SYT16: variants seen among roughly 807,000 people sequenced by gnomAD.
SYT16 encodes synaptotagmin 16.
In SYT16, 42 loss-of-function variants were observed where a neutral mutation model predicts 61.4. That is an observed-to-expected ratio of 0.68 (90% confidence interval 0.53 to 0.89). SYT16 has a LOEUF of 0.89. Among genes scored for constraint, SYT16 ranks in the 40% least tolerant of loss-of-function variants. The pLI is 0.00. For missense variants in SYT16, 804 were observed against 807.3 expected (o/e 1.00, Z 0.05); for synonymous variants, 314 against 302.3 (o/e 1.04, Z -0.40).
rs532974581 is a variant in SYT16, at chr14:61,955,974, C to T, written c.-324-14158C>T. 1.5e-4 allele frequency among the ~76,000 whole-genome samples: 23 copies of T among 151,150 alleles called. No homozygotes were observed. The South Asian group carries it at 2.1e-3, about 14-fold the overall frequency. ...CTTGCTCCTTTTTTCTTTTATTTTT[C>T]GCTTTCTCTTTCTTTCATAATGGTC... is the stretch of plus-strand genomic sequence containing the variant. On this transcript the variant is annotated intron_variant, in intron 1 of 7. Transcript: ENST00000683842.
At chr14:62,094,739 A>T (rs1366207472) in intron 7 of SYT16, among the ~76,000 whole-genome samples, 1 of 152,034 alleles carries the variant, frequency 6.6e-6, no homozygotes, top group Non-Finnish European at 1.5e-5. Context: ...TAAACATTGG[A>T]AGACAAGGTA....
intron 1 of SYT16, among the ~76,000 whole-genome samples, chr14:61,891,419 C>G (rs1238074649): frequency 6.6e-6 from 1 of 152,064 alleles, no homozygotes; most frequent in Non-Finnish European, 1.5e-5. Flanking sequence ...AGATTCAGAA[C>G]AATGCATTTC....
At chr14:61,937,249 G>T (rs1041861030) in intron 1 of SYT16, among the ~76,000 whole-genome samples, 5 of 152,240 alleles carry the variant, frequency 3.3e-5, no homozygotes, top group Non-Finnish European at 5.9e-5. Context: ...GCTGGAGCAA[G>T]GCCAGTGTTA....
At chr14:62,047,131 G>A (rs1258362543) in intron 3 of SYT16, among the ~76,000 whole-genome samples, 1 of 152,066 alleles carries the variant, frequency 6.6e-6, no homozygotes, top group Non-Finnish European at 1.5e-5. Context: ...ATCTTGTATT[G>A]TATCCTCTTT....
intron 1 of SYT16, among the ~76,000 whole-genome samples, chr14:61,910,504 A>G (rs177803): frequency 0.91 from 137,090 of 150,650 alleles, 62,470 homozygotes; most frequent in East Asian, 0.99. Context: ...CTCCCAAAGC[A>G]CTGAGCCGCC....
chr14:61,977,717 A>G (rs533563907), intron 2 of SYT16, among the ~76,000 whole-genome samples: 42 of 152,218 alleles, frequency 2.8e-4, no homozygotes, highest in African/African-American at 9.4e-4. Context: ...TGCCCACCTA[A>G]TCTTCCCAAC....
At position 61,932,321 on chromosome 14, in the gene SYT16, G is replaced by A. The variant is rs1449186382; in HGVS notation, c.-324-37811G>A. Among the ~76,000 whole-genome samples the A allele has an allele frequency of 2.0e-5, 3 of 152,190 alleles. No individual in the cohort carries two copies. The East Asian group carries it at 5.8e-4, about 29-fold the overall frequency. On this transcript the variant is annotated intron_variant, in intron 1 of 7. Coordinates refer to ENST00000683842, the MANE Select transcript of SYT16 (RefSeq NM_001367656.1). ...TGATTTCTGATAGGAGTCTGTGTTAGTCTGTTTTCACACTGCTATAAAGAA... is the reference window on the plus strand; with the variant it reads ...TGATTTCTGATAGGAGTCTGTGTTAATCTGTTTTCACACTGCTATAAAGAA...
intron 3 of SYT16, among the ~76,000 whole-genome samples, chr14:62,064,590 A>G (rs572880447): frequency 6.6e-6 from 1 of 152,302 alleles, no homozygotes; most frequent in African/African-American, 2.4e-5. Context: ...CATTTTGTCC[A>G]GAATTTAAGA....
chr14:62,080,276 A>T (rs530112248), intron 5 of SYT16, among the ~76,000 whole-genome samples: 1 of 152,358 alleles, frequency 6.6e-6, no homozygotes, highest in Non-Finnish European at 1.5e-5. Context: ...ACTGAATCAG[A>T]ATCCTCAGAT....
chr14:61,989,732 A>C (rs2052469580), intron 2 of SYT16, among the ~76,000 whole-genome samples: 1 of 152,194 alleles, frequency 6.6e-6, no homozygotes, highest in Non-Finnish European at 1.5e-5. Context: ...AGTAAGTGAG[A>C]AGCAGATCCA....
At chr14:61,954,579 A>G (rs567928691) in intron 1 of SYT16, among the ~76,000 whole-genome samples, 2 of 152,170 alleles carry the variant, frequency 1.3e-5, no homozygotes, top group Middle Eastern at 3.4e-3. Context: ...TAGACGAGTT[A>G]CTCTGCAGAT....
intron 7 of SYT16, among the ~76,000 whole-genome samples, chr14:62,099,254 C>A (rs376887270): frequency 6.6e-6 from 1 of 152,170 alleles, no homozygotes; most frequent in South Asian, 2.1e-4. Context: ...AGTGAGGAAA[C>A]GTGAGGTAAT....
At chr14:61,910,349 CTGCCT>C (rs2048883096) in intron 1 of SYT16, among the ~76,000 whole-genome samples, 1 of 151,434 alleles carries the variant, frequency 6.6e-6, no homozygotes, top group African/African-American at 2.4e-5. Flanking sequence ...AGCAATTCTC[CTGCCT>C]CAGCCTCCCG....
intron 1 of SYT16, among the ~76,000 whole-genome samples, chr14:61,915,127 A>G (rs528295727): frequency 2.0e-5 from 3 of 152,170 alleles, no homozygotes; most frequent in Admixed American, 6.5e-5. Context: ...TTTTTCTGTC[A>G]TGTTCTGAAT....
At position 62,100,622 on chromosome 14, in the gene SYT16, G is replaced by C. The variant is rs773432825; in HGVS notation, c.1853G>C (p.Gly618Ala). The C allele has an allele frequency of 3.1e-6, 5 of 1,613,868 alleles. No individual in the cohort carries two copies. Among genetic ancestry groups the C allele is most frequent in the Admixed American group, 1.7e-5 (1 of 59,976 alleles). The change falls in exon 8 of 8, where the codon GGA (glycine) becomes GCA (alanine). Residue 618 changes from glycine to alanine, a missense_variant. Gly to Ala is a moderately conservative substitution (Grantham distance 60). Transcript: ENST00000683842. ...ATTGCCCTGGGCCAGAACAGCAGTG[G>C]AGAGGAGGAACAAGATCACTGGGAG... ...GWIALGQNSS[G>A]EEEQDHWEEM...
chr14:62,082,265 G>A (rs1456651820), intron 6 of SYT16, among the ~76,000 whole-genome samples: 3 of 152,154 alleles, frequency 2.0e-5, no homozygotes, highest in African/African-American at 4.8e-5. Context: ...AGTCTGGACT[G>A]TAGTGGTGGC....
At chr14:61,890,098 A>G (rs1184508086) in intron 1 of SYT16, among the ~76,000 whole-genome samples, 2 of 152,220 alleles carry the variant, frequency 1.3e-5, no homozygotes, top group Non-Finnish European at 2.9e-5. Context: ...ACCCTGGGTT[A>G]GGAGGATCAT....
At chr14:61,995,576 T>A (rs2052730962) in intron 2 of SYT16, among the ~76,000 whole-genome samples, 1 of 152,116 alleles carries the variant, frequency 6.6e-6, no homozygotes, top group Non-Finnish European at 1.5e-5. Flanking sequence ...TGGATCTTAA[T>A]GAAGATTCAT....
chr14:61,894,303 A>AC (rs1273074896), intron 1 of SYT16, among the ~76,000 whole-genome samples: 1,817 of 151,188 alleles, frequency 0.012, 44 homozygotes, highest in African/African-American at 0.041. Flanking sequence ...AAAAAAAAAA[A>AC]AAAAGCCTGT....
Sources: allele counts gnomAD v4.1 joint callset (sites outside exome capture counted in the v4.1 genomes callset), GRCh38; gene constraint gnomAD v4.1.1; transcripts MANE v1.5; gene names NCBI Gene and HGNC (gene_info 2026-07-23, HGNC 2026-07-21).